RERE: variants seen among roughly 807,000 people sequenced by gnomAD.
RERE encodes the protein arginine-glutamic acid dipeptide repeats.
A neutral mutation model predicts 146.1 loss-of-function variants in RERE; 40 were observed. The observed-to-expected ratio is 0.27, with a 90% CI of 0.21 to 0.36. The LOEUF (loss-of-function observed/expected upper bound fraction) is 0.36. Ranked by LOEUF, RERE falls within the 10% of genes least tolerant of loss-of-function variation. RERE has a pLI of 1.00. For synonymous variants in RERE, 1,003 were observed against 866.0 expected (o/e 1.16, Z -2.78); for missense variants, 1,933 against 2,138.7 (o/e 0.90, Z 1.90).
intron 1 of RERE, among the ~76,000 whole-genome samples, chr1:8,715,460 G>A (rs537366443): frequency 9.2e-5 from 14 of 152,060 alleles, no homozygotes; most frequent in Admixed American, 3.3e-4. Flanking sequence ...TTGGTAAGCC[G>A]AGATTGCACC....
chr1:8,381,272 A>T (rs1474319460), intron 12 of RERE, among the ~76,000 whole-genome samples: 1 of 152,140 alleles, frequency 6.6e-6, no homozygotes, highest in Non-Finnish European at 1.5e-5. Context: ...ACTGGACTCT[A>T]AACTGCAAGT....
intron 8 of RERE, among the ~76,000 whole-genome samples, chr1:8,504,301 G>A (rs1645219968): frequency 1.3e-5 from 2 of 152,176 alleles, no homozygotes; most frequent in Admixed American, 6.5e-5. Flanking sequence ...AGAGAAAAAC[G>A]ATTAAGTGAA....
At chr1:8,709,763 A>G (rs558253924) in intron 1 of RERE, among the ~76,000 whole-genome samples, 1 of 152,276 alleles carries the variant, frequency 6.6e-6, no homozygotes, top group South Asian at 2.1e-4. Flanking sequence ...TTTTACTCTT[A>G]TAAACAGTGC....
Position 8,674,038 on chromosome 1 carries a change from A to T in RERE, c.-144-17597T>A, listed in dbSNP as rs142555850. Among the ~76,000 whole-genome samples the T allele has an allele frequency of 5.4e-3, 828 of 152,324 alleles. 9 individuals are homozygous for T. Among genetic ancestry groups the T allele is most frequent in the African/African-American group, 0.018 (763 of 41,570 alleles). ...ACAGAATAAGACCTATCTCAAAAAT[A>T]AATATTTTCATATTAAAAATATTCA... On this transcript the variant is annotated intron_variant, in intron 1 of 22. Transcript: ENST00000400908.
chr1:8,359,050 G>A (rs377444783), intron 19 of RERE, 134 bp from the exon 20 acceptor site: 21 of 1,180,900 alleles, frequency 1.8e-5, no homozygotes, highest in African/African-American at 6.2e-5. Flanking sequence ...ACGGAGACCC[G>A]GCCCTGCCTT....
At chr1:8,577,442 C>A (rs1452984481) in intron 4 of RERE, among the ~76,000 whole-genome samples, 4 of 151,998 alleles carry the variant, frequency 2.6e-5, no homozygotes, top group African/African-American at 7.3e-5. Context: ...GAGAATAAAA[C>A]GGAACAGAAA....
At chr1:8,466,319 C>T (rs377520809) in intron 10 of RERE, among the ~76,000 whole-genome samples, 2 of 152,138 alleles carry the variant, frequency 1.3e-5, no homozygotes, top group African/African-American at 2.4e-5. Flanking sequence ...TGTTTGGCCC[C>T]GCCCAGTGCT....
At position 8,361,453 on chromosome 1, in the gene RERE, C is replaced by T. The variant is rs1237959147; in HGVS notation, c.2054G>A (p.Gly685Glu). The T allele has an allele frequency of 1.9e-6, 3 of 1,613,324 alleles. No individual in the cohort carries two copies. The highest frequency in any genetic ancestry group is 1.7e-4 in the Middle Eastern group (1 of 6,058). The change falls in exon 18 of 23, where the codon GGA becomes GAA. Residue 685 changes from glycine to glutamate, a missense_variant. Gly to Glu is a moderately conservative substitution (Grantham distance 98). This residue lies in a region of RERE where 1,255 missense variants were observed against 1,153.8 expected (regional missense o/e 1.09). Coordinates refer to ENST00000400908, the MANE Select transcript of RERE (RefSeq NM_001042681.2). Reference sequence around the variant, plus strand: ...GACGCTGCGACTGTCTGAACTCTCTCCCTCACCTTCAGATGGCGAGTTGGG... The same window carrying T: ...GACGCTGCGACTGTCTGAACTCTCTTCCTCACCTTCAGATGGCGAGTTGGG... ...SRPNSPSEGE[G>E]ESSDSRSVND...
chr1:8,477,227 G>A (rs1226825080), intron 10 of RERE, among the ~76,000 whole-genome samples: 1 of 152,200 alleles, frequency 6.6e-6, no homozygotes, highest in Non-Finnish European at 1.5e-5. Flanking sequence ...GGTGCGGAGG[G>A]TGTAGGCTGC....
At chr1:8,619,050 C>G (rs947401545) in intron 3 of RERE, among the ~76,000 whole-genome samples, 2 of 152,178 alleles carry the variant, frequency 1.3e-5, no homozygotes, top group Non-Finnish European at 2.9e-5. Flanking sequence ...GACAATGAAA[C>G]AACGAGAGGG....
At position 8,436,852 on chromosome 1, in the gene RERE, G is replaced by A. The variant is rs188145930; in HGVS notation, c.1204-14045C>T. Among the ~76,000 whole-genome samples the A allele has an allele frequency of 4.6e-5, 7 of 151,350 alleles. No homozygotes were observed. The East Asian group carries it at 1.4e-3, about 30-fold the overall frequency. On this transcript the variant is annotated intron_variant, in intron 11 of 22. Coordinates refer to ENST00000400908, the MANE Select transcript of RERE (RefSeq NM_001042681.2). Reference sequence around the variant, plus strand: ...AATCAGTGTGTATTTTACACTGACCGTGCATCTACACTTGGGCCAGCACAT... The same window carrying A: ...AATCAGTGTGTATTTTACACTGACCATGCATCTACACTTGGGCCAGCACAT...
chr1:8,695,587 T>TAAAAAA (rs34953565), intron 1 of RERE, among the ~76,000 whole-genome samples: 15 of 36,728 alleles, frequency 4.1e-4, no homozygotes, highest in African/African-American at 1.5e-3. Flanking sequence ...CCATTTCTAC[T>TAAAAAA]AAAAAAAAAA....
At chr1:8,664,854 A>G (rs1008850554) in intron 1 of RERE, among the ~76,000 whole-genome samples, 1 of 152,120 alleles carries the variant, frequency 6.6e-6, no homozygotes, top group African/African-American at 2.4e-5. Context: ...CACTCCTCTG[A>G]ACTCCTACAA....
chr1:8,640,902 G>T (rs891143301), intron 2 of RERE, among the ~76,000 whole-genome samples: 1 of 152,116 alleles, frequency 6.6e-6, no homozygotes, highest in Non-Finnish European at 1.5e-5. Flanking sequence ...AGTATTTAGG[G>T]TATTCACATA....
At chr1:8,732,187 A>G (rs1344444349) in intron 1 of RERE, among the ~76,000 whole-genome samples, 3 of 152,242 alleles carry the variant, frequency 2.0e-5, no homozygotes, top group African/African-American at 7.2e-5. Context: ...ACTTATGTCC[A>G]TACAAAAATC....
intron 11 of RERE, among the ~76,000 whole-genome samples, chr1:8,458,082 ATACG>A (rs1295453805): frequency 1.3e-5 from 2 of 152,164 alleles, no homozygotes; most frequent in Non-Finnish European, 2.9e-5. Flanking sequence ...CAATGTCACT[ATACG>A]TAGAATGTTC....
At chr1:8,789,301 A>ATATATATATATATATATATAT (rs1553149621) in intron 1 of RERE, among the ~76,000 whole-genome samples, 2 of 24,816 alleles carry the variant, frequency 8.1e-5, no homozygotes, top group Non-Finnish European at 1.3e-4. Context: ...AAAAAAAAAA[A>ATATATATATATATATATATAT]ATATATATAT....
At chr1:8,399,659 T>TAA (rs561146735) in intron 12 of RERE, among the ~76,000 whole-genome samples, 23 of 152,234 alleles carry the variant, frequency 1.5e-4, no homozygotes, top group Non-Finnish European at 3.4e-4. Flanking sequence ...AAAATCCTGT[T>TAA]AAAGTTTTGA....
intron 12 of RERE, among the ~76,000 whole-genome samples, chr1:8,372,757 G>A (rs549084822): frequency 2.6e-5 from 4 of 152,278 alleles, no homozygotes; most frequent in African/African-American, 7.2e-5. Context: ...TGCAGACAGA[G>A]GGGAGATACA....
Sources: allele counts gnomAD v4.1 joint callset (sites outside exome capture counted in the v4.1 genomes callset), GRCh38; gene constraint gnomAD v4.1.1; regional missense constraint gnomAD v4.1.1; transcripts MANE v1.5; gene names NCBI Gene and HGNC (gene_info 2026-07-23, HGNC 2026-07-21).